SIN3A: variants seen among roughly 807,000 people sequenced by gnomAD.
SIN3A encodes the protein SIN3 transcription regulator family member A, also known as paired amphipathic helix protein Sin3a.
In SIN3A, 14 loss-of-function variants were observed where a neutral mutation model predicts 146.1. That is an observed-to-expected ratio of 0.10 (90% CI 0.06 to 0.15). The LOEUF is 0.15. Among genes scored for constraint, SIN3A ranks in the 10% least tolerant of loss-of-function variants. The probability of loss-of-function intolerance (pLI) is 1.00; values close to 1 mark genes in which losing one functional copy is unlikely to be tolerated. For synonymous variants in SIN3A, 572 were observed against 572.0 expected (o/e 1.00, Z 0.00); for missense variants, 1,028 against 1,576.0 (o/e 0.65, Z 5.89).
chr15:75,442,366 TCTCA>T, intron 1 of SIN3A, among the ~76,000 whole-genome samples: 1 of 148,198 alleles, frequency 6.7e-6, no homozygotes, highest in Middle Eastern at 3.4e-3. Flanking sequence ...AGAAATGGGG[TCTCA>T]CTATGTTGCC....
At chr15:75,382,237 G>A (rs937534875) in intron 17 of SIN3A, among the ~76,000 whole-genome samples, 2 of 152,204 alleles carry the variant, frequency 1.3e-5, no homozygotes, top group African/African-American at 4.8e-5. Flanking sequence ...TATACATGCA[G>A]AGCCAGAAGC....
intron 3 of SIN3A, among the ~76,000 whole-genome samples, chr15:75,416,570 C>T (rs2073741163): frequency 6.6e-6 from 1 of 152,236 alleles, no homozygotes. Flanking sequence ...AAGTGATCTG[C>T]CAGCCTCAGC....
At chr15:75,381,796 C>G in intron 17 of SIN3A, 91 bp from the exon 18 acceptor site, 1 of 1,091,850 alleles carries the variant, frequency 9.2e-7, no homozygotes, top group Non-Finnish European at 1.4e-6. Flanking sequence ...AGGCAATAAA[C>G]TTAGTAAACT....
chr15:75,394,582 G>T, intron 14 of SIN3A, 98 bp downstream of exon 14: 2 of 932,606 alleles, frequency 2.1e-6, no homozygotes, highest in Non-Finnish European at 3.3e-6. Context: ...AGGTCTTAGA[G>T]AGTCTCACCT....
intron 12 of SIN3A, among the ~76,000 whole-genome samples, chr15:75,397,352 T>C (rs2073324077): frequency 6.6e-6 from 1 of 152,202 alleles, no homozygotes; most frequent in African/African-American, 2.4e-5. Flanking sequence ...GGCTCCCTTA[T>C]GATTGGATAG....
At chr15:75,423,662 A>C (rs2073877555) in intron 2 of SIN3A, among the ~76,000 whole-genome samples, 1 of 152,170 alleles carries the variant, frequency 6.6e-6, no homozygotes, top group Non-Finnish European at 1.5e-5. Flanking sequence ...TGCACGACAA[A>C]GCAAGACTCC....
intron 15 of SIN3A, among the ~76,000 whole-genome samples, chr15:75,391,284 C>T (rs989515333): frequency 3.9e-5 from 6 of 152,140 alleles, no homozygotes; most frequent in Admixed American, 3.9e-4. Flanking sequence ...TTATGTAAGC[C>T]TCAAACCAGG....
At chr15:75,426,000 T>A (rs1427404919) in intron 2 of SIN3A, among the ~76,000 whole-genome samples, 1 of 152,208 alleles carries the variant, frequency 6.6e-6, no homozygotes, top group Non-Finnish European at 1.5e-5. Context: ...TTCTAAAAGC[T>A]CTAATGTACC....
chr15:75,440,807 C>T (rs1465936404), intron 1 of SIN3A, among the ~76,000 whole-genome samples: 3 of 151,552 alleles, frequency 2.0e-5, no homozygotes, highest in East Asian at 1.9e-4. Flanking sequence ...AAGGTGAAGC[C>T]CCGTCTTTAC....
At chr15:75,372,602 G>A (rs935927138) in intron 20 of SIN3A, among the ~76,000 whole-genome samples, 1 of 151,920 alleles carries the variant, frequency 6.6e-6, no homozygotes, top group African/African-American at 2.4e-5. Context: ...CAGGCAGTTC[G>A]CTTGAGCTCA....
At chr15:75,422,159 T>A (rs1242204436) in intron 3 of SIN3A, 1 of 181,084 alleles carries the variant, frequency 5.5e-6, no homozygotes, top group Admixed American at 5.6e-5. Flanking sequence ...GATGGGAGAA[T>A]CACTTGAGGC....
intron 1 of SIN3A, among the ~76,000 whole-genome samples, chr15:75,443,016 C>T (rs2074244088): frequency 6.6e-6 from 1 of 151,436 alleles, no homozygotes; most frequent in East Asian, 1.9e-4. Context: ...CAGAATCTTG[C>T]TATGTTGCCC....
chr15:75,429,314 G>A (rs1278945235), intron 2 of SIN3A, among the ~76,000 whole-genome samples: 1 of 152,108 alleles, frequency 6.6e-6, no homozygotes, highest in Non-Finnish European at 1.5e-5. Context: ...CTAGCTACTA[G>A]GGAGGCTAGG....
At chr15:75,404,779 C>A (rs11856937) in intron 9 of SIN3A, among the ~76,000 whole-genome samples, 3 of 147,790 alleles carry the variant, frequency 2.0e-5, no homozygotes, top group African/African-American at 5.0e-5. Context: ...AAAAAAAAAA[C>A]AAAAAAACAA....
intron 13 of SIN3A, among the ~76,000 whole-genome samples, chr15:75,395,937 A>G (rs984556643): frequency 6.6e-6 from 1 of 152,106 alleles, no homozygotes; most frequent in African/African-American, 2.4e-5. Context: ...AACAAACCAC[A>G]AAGATGTTAA....
At chr15:75,452,148 A>G (rs2141654015), upstream of SIN3A, among the ~76,000 whole-genome samples, 1 of 152,294 alleles carries the variant, frequency 6.6e-6, no homozygotes, top group Non-Finnish European at 1.5e-5. Context: ...TGTAAGTGAA[A>G]CAGGCTCCGC....
intron 1 of SIN3A, chr15:75,448,297 C>G (rs982932748): frequency 6.6e-6 from 1 of 151,888 alleles, no homozygotes; most frequent in Non-Finnish European, 1.5e-5. Context: ...CAGGAGTCTG[C>G]GACCAACCTG....
chr15:75,422,983 G>A (rs781414018), intron 2 of SIN3A, among the ~76,000 whole-genome samples, 160 bp from the exon 3 acceptor site: 3 of 152,156 alleles, frequency 2.0e-5, no homozygotes, highest in African/African-American at 4.8e-5. Context: ...TAGGAAGATC[G>A]CCTGAACTCA....
At position 75,409,929 on chromosome 15, in the gene SIN3A, G is replaced by T; in HGVS notation, c.1224C>A (p.Val408=). 1.2e-6 allele frequency: 2 copies of T among 1,614,100 alleles called. No individual in the cohort carries two copies. The highest frequency in any genetic ancestry group is 1.7e-6 in the Non-Finnish European group (2 of 1,180,036). ...DSVRNDHGGT[V]KKPQLNNKPQ... ...GCTTGTTGTTCAGTTGGGGCTTCTT[G>T]ACAGTGCCTCCATGATCATTTCTCA... is the stretch of plus-strand genomic sequence containing the variant. The change falls in exon 8 of 21, where the codon GTC becomes GTA. Residue 408 remains valine, a synonymous_variant. Transcript: ENST00000394947.
Sources: gnomAD v4.1 joint callset for allele counts (sites outside exome capture counted in the v4.1 genomes callset) on GRCh38, gnomAD v4.1.1 for gene constraint, MANE v1.5 for transcripts, NCBI Gene and HGNC (gene_info 2026-07-23, HGNC 2026-07-21) for gene names.